Variants in TEKT1 observed in about 807,000 individuals in gnomAD.
TEKT1 encodes the protein tektin-1.
In TEKT1, 32 loss-of-function variants were observed where a neutral mutation model predicts 34.8. The ratio of observed to expected loss-of-function variants is 0.92; its 90% confidence interval spans 0.69 to 1.23. The LOEUF (loss-of-function observed/expected upper bound fraction) is 1.23. TEKT1 is among the 50% of genes most tolerant of loss of function. The pLI, the probability that TEKT1 is intolerant of heterozygous loss-of-function variation, is 0.00. For synonymous variants in TEKT1, 207 were observed against 199.8 expected (o/e 1.04, Z -0.30); for missense variants, 492 against 518.5 (o/e 0.95, Z 0.50).
intron 3 of TEKT1, among the ~76,000 whole-genome samples, chr17:6,817,788 T>C (rs190121366): frequency 2.6e-4 from 40 of 152,332 alleles, no homozygotes; most frequent in African/African-American, 7.7e-4. Context: ...TTATTAGTAC[T>C]TCATAGGATT....
chr17:6,810,175 G>A (rs1976907959), intron 6 of TEKT1, among the ~76,000 whole-genome samples: 1 of 152,200 alleles, frequency 6.6e-6, no homozygotes, highest in Non-Finnish European at 1.5e-5. Context: ...TGGATTTTCT[G>A]TAGGTGCCGA....
chr17:6,810,283 GTC>G (rs1375831787), intron 6 of TEKT1, among the ~76,000 whole-genome samples: 1 of 152,192 alleles, frequency 6.6e-6, no homozygotes, highest in African/African-American at 2.4e-5. Flanking sequence ...TTGGTGAGGT[GTC>G]TGTTTAGAGC....
intron 2 of TEKT1, among the ~76,000 whole-genome samples, chr17:6,821,392 A>G (rs529088298): frequency 1.6e-4 from 24 of 152,198 alleles, no homozygotes; most frequent in Non-Finnish European, 3.1e-4. Flanking sequence ...TCCTGCCACC[A>G]TGTGAAGAAG....
At chr17:6,826,626 A>AGATG (rs1904402651) in intron 2 of TEKT1, among the ~76,000 whole-genome samples, 1 of 59,128 alleles carries the variant, frequency 1.7e-5, no homozygotes. Context: ...GCAGATAGAT[A>AGATG]GATAGATAGA....
chr17:6,800,662 G>A (rs1486091608), intron 7 of TEKT1, 85 bp downstream of exon 7: 9 of 1,463,702 alleles, frequency 6.1e-6, no homozygotes, highest in East Asian at 4.6e-5. Context: ...CTTCATTCAC[G>A]CTGCTGGTCA....
chr17:6,825,976 C>T (rs1435086231), intron 2 of TEKT1, among the ~76,000 whole-genome samples: 1 of 141,204 alleles, frequency 7.1e-6, no homozygotes, highest in African/African-American at 2.5e-5. Context: ...GTAGAATAAC[C>T]AGGTGAAAAG....
chr17:6,800,125 C>T lies in TEKT1; in HGVS notation c.1159G>A (p.Glu387Lys), dbSNP rs778435209. ...QVKENTIYID[E>K]VLCMQMRKSI... Reference sequence around the variant, plus strand: ...TTCCTCATCTGCATACACAGCACTTCGTCGATATAAATGGTGTTCTCTTTG... The same window carrying T: ...TTCCTCATCTGCATACACAGCACTTTGTCGATATAAATGGTGTTCTCTTTG... Residue 387 changes from glutamate (E) to lysine (K), a missense_variant, in exon 8 of 8, where the codon GAA becomes AAA. Coordinates refer to ENST00000338694, the MANE Select transcript of TEKT1 (RefSeq NM_053285.2). The T allele has an allele frequency of 9.3e-6, 15 of 1,614,132 alleles. No individual in the cohort carries two copies. Among genetic ancestry groups the T allele is most frequent in the Admixed American group, 6.7e-5 (4 of 60,032 alleles).
chr17:6,815,385 G>T, intron 4 of TEKT1, 79 bp from the exon 5 acceptor site: 1 of 1,569,378 alleles, frequency 6.4e-7, no homozygotes, highest in Middle Eastern at 1.7e-4. Flanking sequence ...GTCCTGGAAA[G>T]TGAAGCTGCA....
At chr17:6,813,436 A>G (rs1466421726) in intron 5 of TEKT1, among the ~76,000 whole-genome samples, 2 of 152,074 alleles carry the variant, frequency 1.3e-5, no homozygotes, top group African/African-American at 2.4e-5. Context: ...TAAAATAGAA[A>G]CCATCCATCT....
rs961459307 is a variant in TEKT1 at position 6,811,177 on chromosome 17, A to T, written c.852+1654T>A. Among the ~76,000 whole-genome samples the T allele has an allele frequency of 6.6e-6, 1 of 152,070 alleles. No homozygotes were observed. Among genetic ancestry groups the T allele is most frequent in the East Asian group, 1.9e-4 (1 of 5,196 alleles). ...ATCTCAGATCCATCTTTCAAGGCCT[A>T]TACTAAGTTCTTATTCCACCAGGAA... On this transcript the variant is annotated intron_variant, in intron 6 of 7. Transcript: ENST00000338694. This position sits in a 1 kb window ranked among gnomAD's most constrained non-coding sequence, Gnocchi z 4.4.
intron 6 of TEKT1, among the ~76,000 whole-genome samples, chr17:6,802,375 TAA>T (rs1204142501): frequency 2.0e-4 from 30 of 152,242 alleles, no homozygotes; most frequent in Admixed American, 2.0e-3. Flanking sequence ...AATATTTATT[TAA>T]AGCAGCATTT....
At chr17:6,807,363 A>G (rs527872513) in intron 6 of TEKT1, among the ~76,000 whole-genome samples, 16 of 152,128 alleles carry the variant, frequency 1.1e-4, no homozygotes, top group African/African-American at 3.9e-4. Flanking sequence ...CTAGTTAGCC[A>G]TTCATCTAAT....
intron 6 of TEKT1, among the ~76,000 whole-genome samples, chr17:6,809,754 A>G (rs1006080104): frequency 6.6e-6 from 1 of 152,200 alleles, no homozygotes; most frequent in Non-Finnish European, 1.5e-5. Context: ...ATCATACAGT[A>G]TGAGTTTCAA....
chr17:6,816,056 A>G, intron 3 of TEKT1, 94 bp from the exon 4 acceptor site: 1 of 1,525,490 alleles, frequency 6.6e-7, no homozygotes. Flanking sequence ...TATCTGCACG[A>G]CTGATTTGAG....
chr17:6,817,803 C>T (rs1045592763), intron 3 of TEKT1, among the ~76,000 whole-genome samples: 2 of 152,170 alleles, frequency 1.3e-5, no homozygotes, highest in African/African-American at 4.8e-5. Context: ...AGGATTGTGG[C>T]ACACTACAAA....
intron 3 of TEKT1, 135 bp from the exon 4 acceptor site, chr17:6,816,097 G>A (rs1219386871): frequency 1.6e-6 from 2 of 1,245,186 alleles, no homozygotes; most frequent in South Asian, 1.5e-5. Flanking sequence ...GACACAGTGG[G>A]TGACAGATAT....
intron 6 of TEKT1, among the ~76,000 whole-genome samples, chr17:6,809,807 A>G (rs1976902144): frequency 6.6e-6 from 1 of 152,168 alleles, no homozygotes; most frequent in Non-Finnish European, 1.5e-5. Context: ...AAGTTCCTCT[A>G]TGTCTTTTCA....
chr17:6,821,478 C>G (rs1051743556), intron 2 of TEKT1, among the ~76,000 whole-genome samples: 1 of 152,114 alleles, frequency 6.6e-6, no homozygotes, highest in Non-Finnish European at 1.5e-5. Flanking sequence ...AACTGTGGGT[C>G]GATTAAACCT....
chr17:6,800,946 T>A lies in TEKT1; in HGVS notation c.853-3A>T. 6.2e-7 allele frequency: 1 copy of A among 1,609,196 alleles called. No individual in the cohort carries two copies. ...TGGGAAGCAATCTCTTCCATGACCTTACAAAAAGGATTAGAGTAGGTGAGG... is the reference window on the plus strand; with the variant it reads ...TGGGAAGCAATCTCTTCCATGACCTAACAAAAAGGATTAGAGTAGGTGAGG... On this transcript the variant is annotated splice_region_variant and splice_polypyrimidine_tract_variant and intron_variant, in intron 6 of 7. Coordinates refer to ENST00000338694, the MANE Select transcript of TEKT1 (RefSeq NM_053285.2).
Sources: gnomAD v4.1 joint callset for allele counts (sites outside exome capture counted in the v4.1 genomes callset) on GRCh38, gnomAD v4.1.1 for gene constraint, Gnocchi (gnomAD v3.1) non-coding constraint, MANE v1.5 for transcripts, NCBI Gene and HGNC (gene_info 2026-07-23, HGNC 2026-07-21) for gene names.